KCNT2: variants seen among roughly 807,000 people sequenced by gnomAD.
The protein encoded by KCNT2 is potassium sodium-activated channel subfamily T member 2.
KCNT2 carries 67 observed loss-of-function variants against 153.8 expected under a neutral mutation model. The ratio of observed to expected loss-of-function variants is 0.44; its 90% CI spans 0.36 to 0.53. The LOEUF (loss-of-function observed/expected upper bound fraction) is 0.53, where lower values mean the gene tolerates loss of function less well. KCNT2 is among the 20% of genes least tolerant of loss of function. The probability of loss-of-function intolerance (pLI) is 0.00; values close to 1 mark genes in which losing one functional copy is unlikely to be tolerated. For missense variants in KCNT2, 975 were observed against 1,354.8 expected, an observed-to-expected ratio of 0.72 and a Z score of 4.40; for synonymous variants, 500 against 458.8, an observed-to-expected ratio of 1.09 and a Z score of -1.15.
chr1:196,543,985 C>A lies in KCNT2; in HGVS notation c.96-51644G>T, dbSNP rs367910986. Among the ~76,000 whole-genome samples the A allele has an allele frequency of 2.0e-5, 3 of 152,170 alleles. No homozygotes were observed. In the East Asian group the frequency reaches 5.8e-4, roughly 29 times the overall value. On this transcript the variant is annotated intron_variant, in intron 1 of 27. Coordinates refer to ENST00000294725, the MANE Select transcript of KCNT2 (RefSeq NM_198503.5). ...TGTAATAGCTCAAAACTGGAAACAG[C>A]CCAGGTTTGCTTCCGTGGGTGACTA...
In KCNT2 at chr1:196,608,359, G is replaced by GAGAA; in HGVS notation, c.-54_-51dup. 7.0e-7 allele frequency: 1 copy of GAGAA among 1,435,934 alleles called. No homozygotes were observed. The highest frequency in any genetic ancestry group is 1.1e-5 in the South Asian group (1 of 87,460). The allele number at this position is 1,435,934 out of a possible 1,614,324, so 88.9% of individuals were successfully genotyped here. A position where few individuals can be genotyped will look rare whatever the true frequency, so the allele number is the denominator to read the frequency against. ...CAAACAACAAATGGAGGAGAGGAGG[G>GAGAA]AGAAAGAAAGAAAATATTGCGGAGT... On this transcript the variant is annotated 5_prime_UTR_variant, in exon 1 of 28. Coordinates refer to ENST00000294725, the MANE Select transcript of KCNT2 (RefSeq NM_198503.5).
intron 22 of KCNT2, among the ~76,000 whole-genome samples, chr1:196,290,244 T>G (rs1343387219): frequency 2.6e-5 from 4 of 152,084 alleles, no homozygotes; most frequent in African/African-American, 9.7e-5. Flanking sequence ...TTCATCCTAC[T>G]TGAACTTTCT....
At chr1:196,524,557 T>C (rs4658035) in intron 1 of KCNT2, among the ~76,000 whole-genome samples, 149,664 of 152,240 alleles carry the variant, frequency 0.98, 73,609 homozygotes, top group Middle Eastern at 1. Context: ...AACATCATGC[T>C]GTATCATTTA....
intron 1 of KCNT2, among the ~76,000 whole-genome samples, chr1:196,580,466 G>GTCAAA (rs1661900479): frequency 1.3e-5 from 2 of 152,044 alleles, no homozygotes; most frequent in Non-Finnish European, 2.9e-5. Context: ...CCTGAGAAAG[G>GTCAAA]CTTTATAGTT....
chr1:196,284,630 T>A (rs1659487732), intron 23 of KCNT2, among the ~76,000 whole-genome samples: 1 of 151,836 alleles, frequency 6.6e-6, no homozygotes, highest in African/African-American at 2.4e-5. Context: ...GAAGTATGTG[T>A]GTTTGGTAAC....
At chr1:196,582,360 T>C (rs765528982) in intron 1 of KCNT2, 10 of 153,912 alleles carry the variant, frequency 6.5e-5, no homozygotes, top group Admixed American at 1.3e-4. Context: ...ATGCATGTTC[T>C]CTTAAGGAGC....
At chr1:196,381,764 G>A (rs755673910) in intron 13 of KCNT2, among the ~76,000 whole-genome samples, 1 of 152,038 alleles carries the variant, frequency 6.6e-6, no homozygotes, top group Non-Finnish European at 1.5e-5. Context: ...ACTGATGACT[G>A]AGAAAACACA....
At chr1:196,254,794 TAA>T (rs1037366448) in intron 26 of KCNT2, among the ~76,000 whole-genome samples, 28 of 151,732 alleles carry the variant, frequency 1.8e-4, no homozygotes, top group African/African-American at 6.5e-4. Context: ...ATGTTAGCTA[TAA>T]AAGAGTTCTT....
At chr1:196,564,207 T>G (rs2148931358) in intron 1 of KCNT2, among the ~76,000 whole-genome samples, 1 of 151,918 alleles carries the variant, frequency 6.6e-6, no homozygotes, top group Non-Finnish European at 1.5e-5. Context: ...ATTAGTAGGA[T>G]TTCTACACAC....
At chr1:196,228,758 C>A (rs1342812637) in intron 27 of KCNT2, among the ~76,000 whole-genome samples, 1 of 151,998 alleles carries the variant, frequency 6.6e-6, no homozygotes, top group East Asian at 1.9e-4. Context: ...CATCATTCTT[C>A]CATTACTTAA....
intron 17 of KCNT2, among the ~76,000 whole-genome samples, chr1:196,332,844 G>A (rs886533215): frequency 6.6e-6 from 1 of 150,872 alleles, no homozygotes; most frequent in Non-Finnish European, 1.5e-5. Context: ...GACTGCAGTG[G>A]CAGGATCTTA....
At chr1:196,465,251 T>C in intron 8 of KCNT2, 42 bp downstream of exon 8, 1 of 1,034,914 alleles carries the variant, frequency 9.7e-7, no homozygotes, top group Non-Finnish European at 1.5e-6. Flanking sequence ...GAAATTATAA[T>C]TAAATGAAAC....
At chr1:196,422,537 C>T (rs1673302708) in intron 12 of KCNT2, among the ~76,000 whole-genome samples, 1 of 151,848 alleles carries the variant, frequency 6.6e-6, no homozygotes. Context: ...CTAAAAAATG[C>T]ATCATAAATA....
chr1:196,266,218 G>C (rs1345779054), intron 25 of KCNT2, among the ~76,000 whole-genome samples: 1 of 152,090 alleles, frequency 6.6e-6, no homozygotes, highest in Non-Finnish European at 1.5e-5. Context: ...TGTTTCCTGA[G>C]ACGCACCCAT....
chr1:196,265,260 G>C (rs1657430020), intron 25 of KCNT2, among the ~76,000 whole-genome samples: 1 of 152,162 alleles, frequency 6.6e-6, no homozygotes, highest in Non-Finnish European at 1.5e-5. Context: ...GTATTGTCGA[G>C]ACAATTATGC....
At chr1:196,263,803 A>G (rs1015379864) in intron 25 of KCNT2, among the ~76,000 whole-genome samples, 2 of 152,190 alleles carry the variant, frequency 1.3e-5, no homozygotes, top group Admixed American at 1.3e-4. Context: ...ATTTTGGTTA[A>G]TTATCTCTAA....
rs116276392 is a variant in KCNT2, at chr1:196,377,618, G to A, written c.1295-4370C>T. Among the ~76,000 whole-genome samples, 174 of 152,062 alleles carry A rather than the reference G, an allele frequency of 1.1e-3. 1 individual carries two copies. The highest frequency in any genetic ancestry group is 4.1e-3 in the African/African-American group (169 of 41,522). ...TGCTGATTTTAGTCAGCAATACATAGAGAGCTGATCTGAGGTAAGAACTGA... is the reference window on the plus strand; with the variant it reads ...TGCTGATTTTAGTCAGCAATACATAAAGAGCTGATCTGAGGTAAGAACTGA... On this transcript the variant is annotated intron_variant, in intron 13 of 27. Transcript: ENST00000294725.
intron 26 of KCNT2, chr1:196,257,310 C>T: frequency 1.0e-6 from 1 of 982,986 alleles, no homozygotes; most frequent in East Asian, 1.1e-4. Flanking sequence ...CTCTTAAACT[C>T]TAATTCAAAG....
chr1:196,457,457 G>A (rs1207365791), intron 8 of KCNT2, among the ~76,000 whole-genome samples: 2 of 150,800 alleles, frequency 1.3e-5, no homozygotes, highest in Non-Finnish European at 3.0e-5. Flanking sequence ...GCCCTGGACT[G>A]CGTGGTTCCA....
Sources: gnomAD v4.1 joint callset for allele counts (sites outside exome capture counted in the v4.1 genomes callset) on GRCh38, gnomAD v4.1.1 for gene constraint, MANE v1.5 for transcripts, NCBI Gene and HGNC (gene_info 2026-07-23, HGNC 2026-07-21) for gene names.